The following GRIK4 variants were observed in gnomAD, a reference collection of about 807,000 sequenced individuals.
GRIK4 encodes glutamate ionotropic receptor kainate type subunit 4.
A neutral mutation model predicts 104.9 loss-of-function variants in GRIK4; 40 were observed. That is an observed-to-expected ratio of 0.38 (90% CI 0.30 to 0.50). GRIK4 has a LOEUF of 0.50. GRIK4 is among the 20% of genes least tolerant of loss of function. The pLI is 0.93. For missense variants in GRIK4, 1,047 were observed against 1,308.1 expected, an observed-to-expected ratio of 0.80 and a Z score of 3.08; for synonymous variants, 485 against 524.9, an observed-to-expected ratio of 0.92 and a Z score of 1.04.
At chr11:120,637,187 G>A (rs950176705) in intron 1 of GRIK4, among the ~76,000 whole-genome samples, 7 of 152,028 alleles carry the variant, frequency 4.6e-5, no homozygotes, top group Non-Finnish European at 7.4e-5. Context: ...CAGACGCCAG[G>A]TGGGGGTGGG....
chr11:120,582,704 C>T (rs1440378512), intron 1 of GRIK4, among the ~76,000 whole-genome samples: 1 of 152,116 alleles, frequency 6.6e-6, no homozygotes, highest in East Asian at 1.9e-4. Context: ...TTTTTTATGG[C>T]TGCGTAGTAT....
At chr11:120,600,371 T>G (rs891657072) in intron 1 of GRIK4, among the ~76,000 whole-genome samples, 8 of 152,152 alleles carry the variant, frequency 5.3e-5, no homozygotes, top group Admixed American at 2.6e-4. Flanking sequence ...AAACTAGAGT[T>G]TTCCTGCGAA....
intron 18 of GRIK4, among the ~76,000 whole-genome samples, chr11:120,965,403 C>T (rs751217635): frequency 6.6e-6 from 1 of 152,226 alleles, no homozygotes; most frequent in Non-Finnish European, 1.5e-5. Context: ...TGTCCATTCA[C>T]GGCAGATGTG....
intron 9 of GRIK4, among the ~76,000 whole-genome samples, chr11:120,867,310 C>T (rs1216480784): frequency 6.6e-6 from 1 of 152,134 alleles, no homozygotes; most frequent in Non-Finnish European, 1.5e-5. Context: ...CAGCCCAGCT[C>T]TTTTATGTTC....
At chr11:120,608,543 T>C (rs79771509) in intron 1 of GRIK4, among the ~76,000 whole-genome samples, 2 of 152,286 alleles carry the variant, frequency 1.3e-5, no homozygotes, top group East Asian at 1.9e-4. Flanking sequence ...AGAGGTGACC[T>C]TGGTTGTGAT....
intron 3 of GRIK4, among the ~76,000 whole-genome samples, chr11:120,716,993 CA>C (rs1173814186): frequency 6.6e-6 from 1 of 152,166 alleles, no homozygotes; most frequent in African/African-American, 2.4e-5. Flanking sequence ...GACTAGGATC[CA>C]AATCCTTTAA....
At chr11:120,852,954 A>T (rs919831087) in intron 8 of GRIK4, among the ~76,000 whole-genome samples, 2 of 152,218 alleles carry the variant, frequency 1.3e-5, no homozygotes, top group African/African-American at 4.8e-5. Flanking sequence ...GGGTGAGATG[A>T]GGCACAGCCT....
At chr11:120,978,791 G>A (rs1200969805) in intron 19 of GRIK4, among the ~76,000 whole-genome samples, 1 of 152,138 alleles carries the variant, frequency 6.6e-6, no homozygotes, top group Non-Finnish European at 1.5e-5. Flanking sequence ...AAAATGAGAA[G>A]AAAATGTGCC....
At chr11:120,851,709 G>A (rs566305056) in intron 8 of GRIK4, among the ~76,000 whole-genome samples, 8 of 137,452 alleles carry the variant, frequency 5.8e-5, no homozygotes, top group East Asian at 4.7e-4. Context: ...CCCCTCCCCC[G>A]CCCCCACTGT....
intron 9 of GRIK4, among the ~76,000 whole-genome samples, chr11:120,864,310 G>T (rs1954342354): frequency 6.6e-6 from 1 of 151,294 alleles, no homozygotes; most frequent in South Asian, 2.1e-4. Flanking sequence ...GCGCGATCTC[G>T]GCTCACTGCA....
In GRIK4 at chr11:120,982,181, T is replaced by C. The variant is rs9988907; in HGVS notation, c.2471T>C (p.Met824Thr). 6.9e-4 allele frequency: 1,117 copies of C among 1,612,682 alleles called. 7 individuals carry two copies. In the African/African-American group the frequency reaches 0.014, roughly 20 times the overall value. ...CGLIVAIFMAMLEFLWTLRHS... is the reference protein window; with the variant it reads ...CGLIVAIFMATLEFLWTLRHS... ...TTAATCGTGGCCATTTTTATGGCTA[T>C]GTTGGAGTTTTTATGGACTCTCAGA... Residue 824 changes from methionine (M) to threonine (T), a missense_variant, in exon 20 of 21, where the codon ATG (methionine) becomes ACG (threonine). Around this residue, in one of 3 missense-constraint regions of GRIK4, gnomAD observed 440 missense variants for 652.3 expected, o/e 0.67. Transcript: ENST00000527524.
intron 1 of GRIK4, among the ~76,000 whole-genome samples, chr11:120,563,288 G>A (rs919928454): frequency 6.6e-6 from 1 of 152,040 alleles, no homozygotes; most frequent in Admixed American, 6.5e-5. Context: ...CTTGGAAGGC[G>A]GCTGCCTAGC....
intron 11 of GRIK4, among the ~76,000 whole-genome samples, chr11:120,877,380 G>T (rs2135692876): frequency 6.6e-6 from 1 of 152,260 alleles, no homozygotes; most frequent in African/African-American, 2.4e-5. Flanking sequence ...TCTGTCCAGG[G>T]AGCCTGACAT....
intron 3 of GRIK4, among the ~76,000 whole-genome samples, chr11:120,759,160 G>A (rs1310792175): frequency 6.6e-6 from 1 of 152,220 alleles, no homozygotes; most frequent in Non-Finnish European, 1.5e-5. Context: ...AAGTTAGCCA[G>A]GCAAGCAAGA....
chr11:120,858,592 A>T (rs1954178729), intron 8 of GRIK4: 1 of 152,184 alleles, frequency 6.6e-6, no homozygotes, highest in South Asian at 2.1e-4. Context: ...ATTATTACGA[A>T]TCTTGAAAAG....
In GRIK4 at chr11:120,885,077, G is replaced by A. The variant is rs144087046; in HGVS notation, c.1164+9834G>A. ...CCCAAGGTACTTCTCCACCTGGTGC[G>A]TTTAACAAATGAAGCCAGGCATGGC... On this transcript the variant is annotated intron_variant, in intron 11 of 20. Transcript: ENST00000527524. Among the ~76,000 whole-genome samples, 1,060 of 152,402 alleles carry A rather than the reference G, an allele frequency of 7.0e-3. 7 individuals are homozygous for A. The highest frequency in any genetic ancestry group is 0.011 in the Non-Finnish European group (731 of 68,044).
intron 6 of GRIK4, among the ~76,000 whole-genome samples, chr11:120,828,720 A>G (rs1482110746): frequency 6.6e-6 from 1 of 152,174 alleles, no homozygotes; most frequent in Non-Finnish European, 1.5e-5. Flanking sequence ...GACCTCCCAG[A>G]GGACTCGCCG....
chr11:120,667,712 G>T (rs887440729), intron 3 of GRIK4, among the ~76,000 whole-genome samples: 1 of 152,254 alleles, frequency 6.6e-6, no homozygotes, highest in African/African-American at 2.4e-5. Flanking sequence ...GGCAGCTCGT[G>T]GTGGACCCAG....
intron 1 of GRIK4, among the ~76,000 whole-genome samples, chr11:120,603,022 A>G (rs1028152000): frequency 2.0e-5 from 3 of 152,158 alleles, no homozygotes; most frequent in African/African-American, 4.8e-5. Context: ...TTAATATTAG[A>G]GTGCTAGATC....
Sources: gnomAD v4.1 joint callset for allele counts (sites outside exome capture counted in the v4.1 genomes callset) on GRCh38, gnomAD v4.1.1 for gene constraint, gnomAD v4.1.1 regional missense constraint, MANE v1.5 for transcripts, NCBI Gene and HGNC (gene_info 2026-07-23, HGNC 2026-07-21) for gene names.